Variants in ST6GALNAC3 observed in about 807,000 individuals in gnomAD.
ST6GALNAC3 encodes alpha-N-acetylgalactosaminide alpha-2,6-sialyltransferase 3.
ST6GALNAC3 carries 25 observed loss-of-function variants against 32.7 expected under a neutral mutation model. That is an observed-to-expected ratio of 0.76 (90% CI 0.56 to 1.07). The LOEUF is 1.07. Ranked by LOEUF, ST6GALNAC3 falls within the 50% of genes least tolerant of loss-of-function variation. The pLI, the probability that ST6GALNAC3 is intolerant of heterozygous loss-of-function variation, is 0.00. For missense variants in ST6GALNAC3, 355 were observed against 382.4 expected, an observed-to-expected ratio of 0.93 and a Z score of 0.60; for synonymous variants, 129 against 133.1, an observed-to-expected ratio of 0.97 and a Z score of 0.21.
chr1:76,433,493 CATAAT>C (rs1655917169), intron 3 of ST6GALNAC3, among the ~76,000 whole-genome samples: 1 of 152,012 alleles, frequency 6.6e-6, no homozygotes, highest in African/African-American at 2.4e-5. Context: ...CATATGTACA[CATAAT>C]AAGAAAGAAA....
chr1:76,367,822 T>C (rs1446135577), intron 2 of ST6GALNAC3, among the ~76,000 whole-genome samples: 1 of 152,150 alleles, frequency 6.6e-6, no homozygotes, highest in Non-Finnish European at 1.5e-5. Context: ...AGTGAGTTGG[T>C]GCCCCCCAGT....
intron 2 of ST6GALNAC3, among the ~76,000 whole-genome samples, chr1:76,407,929 C>T (rs998942995): frequency 6.6e-6 from 1 of 152,046 alleles, no homozygotes; most frequent in Non-Finnish European, 1.5e-5. Context: ...TAGCAGTACA[C>T]TTTAACAGAG....
chr1:76,099,793 A>C (rs1000830887), intron 1 of ST6GALNAC3, among the ~76,000 whole-genome samples: 1 of 152,184 alleles, frequency 6.6e-6, no homozygotes, highest in African/African-American at 2.4e-5. Flanking sequence ...AATAAATAAT[A>C]CTTTATTAAG....
chr1:76,596,444 G>GA (rs1647138280), intron 3 of ST6GALNAC3, among the ~76,000 whole-genome samples: 1 of 152,234 alleles, frequency 6.6e-6, no homozygotes, highest in Admixed American at 6.5e-5. Flanking sequence ...GCATAAATCA[G>GA]AAAAAAGATA....
At chr1:76,438,191 A>G (rs368294438) in intron 3 of ST6GALNAC3, among the ~76,000 whole-genome samples, 1 of 149,656 alleles carries the variant, frequency 6.7e-6, no homozygotes, top group Non-Finnish European at 1.5e-5. Flanking sequence ...TCGCTGTGTC[A>G]CCCAGGCTGG....
At chr1:76,407,579 A>G (rs1653921535) in intron 2 of ST6GALNAC3, among the ~76,000 whole-genome samples, 1 of 152,092 alleles carries the variant, frequency 6.6e-6, no homozygotes, top group Admixed American at 6.6e-5. Context: ...CAGTTTATAG[A>G]CACAGCTGAA....
In ST6GALNAC3 at chr1:76,632,809, A is replaced by G. The variant is rs1016095562; in HGVS notation, c.*4003A>G. The G allele has an allele frequency of 4.6e-5, 7 of 151,338 alleles. No homozygotes were observed. The highest frequency in any genetic ancestry group is 1.0e-4 in the Non-Finnish European group (7 of 67,690). The allele number at this position is 151,338 out of a possible 1,614,324, so 9.4% of individuals were successfully genotyped here. A position where few individuals can be genotyped will look rare whatever the true frequency, so the allele number is the denominator to read the frequency against. On this transcript the variant is annotated 3_prime_UTR_variant, in exon 5 of 5. Coordinates refer to ENST00000328299, the MANE Select transcript of ST6GALNAC3 (RefSeq NM_152996.4). ...CAGATGACTGATTTAAAAAAAAACA[A>G]CAACAATGTGCCCATCTAGCCTTTA...
chr1:76,157,547 C>T (rs922110064), intron 1 of ST6GALNAC3, among the ~76,000 whole-genome samples: 3 of 152,214 alleles, frequency 2.0e-5, no homozygotes, highest in African/African-American at 7.2e-5. Context: ...TTAAATAGCA[C>T]CTTTTTCTTC....
At chr1:76,206,718 C>T (rs548201933) in intron 1 of ST6GALNAC3, among the ~76,000 whole-genome samples, 164 of 151,450 alleles carry the variant, frequency 1.1e-3, no homozygotes, top group Admixed American at 1.9e-3. Context: ...GGCGATAGAG[C>T]GAGACTCTGT....
chr1:76,341,743 A>T (rs1433658638), intron 2 of ST6GALNAC3, among the ~76,000 whole-genome samples: 1 of 138,748 alleles, frequency 7.2e-6, no homozygotes, highest in Non-Finnish European at 1.5e-5. Context: ...AAGTTCTGGG[A>T]TACTTGTACA....
intron 1 of ST6GALNAC3, among the ~76,000 whole-genome samples, chr1:76,112,436 C>G (rs1459041835): frequency 1.4e-5 from 2 of 148,132 alleles, no homozygotes; most frequent in African/African-American, 5.0e-5. Context: ...CCCCGACCTC[C>G]CTTCCGGACG....
intron 3 of ST6GALNAC3, among the ~76,000 whole-genome samples, chr1:76,447,627 C>A (rs757671280): frequency 6.6e-6 from 1 of 152,064 alleles, no homozygotes; most frequent in African/African-American, 2.4e-5. Context: ...CAGGACACCG[C>A]CCCCTCCCCG....
chr1:76,376,114 T>TTTA (rs577234468), intron 2 of ST6GALNAC3, among the ~76,000 whole-genome samples: 1 of 150,256 alleles, frequency 6.7e-6, no homozygotes, highest in African/African-American at 2.4e-5. Context: ...TTTTTTTTTT[T>TTTA]AAAAAAAGAA....
At position 76,379,559 on chromosome 1, in the gene ST6GALNAC3, G is replaced by T. The variant is rs373064695; in HGVS notation, c.214-32449G>T. Among the ~76,000 whole-genome samples, 6 of 152,148 alleles carry T rather than the reference G, an allele frequency of 3.9e-5. No individual in the cohort carries two copies. The South Asian group carries it at 1.2e-3, about 31-fold the overall frequency. On this transcript the variant is annotated intron_variant, in intron 2 of 4. Coordinates refer to ENST00000328299, the MANE Select transcript of ST6GALNAC3 (RefSeq NM_152996.4). ...GTGGAGAAAGAGAGAATCTCATGACGGCTTTTGGTTTGGGGTTATTGAGAA... is the reference window on the plus strand; with the variant it reads ...GTGGAGAAAGAGAGAATCTCATGACTGCTTTTGGTTTGGGGTTATTGAGAA...
chr1:76,461,402 T>C (rs1011739951), intron 3 of ST6GALNAC3, among the ~76,000 whole-genome samples: 1 of 152,218 alleles, frequency 6.6e-6, no homozygotes, highest in African/African-American at 2.4e-5. Context: ...CCCTGTGCCC[T>C]TAAGCCTCAA....
chr1:76,560,155 C>T (rs1313892543), intron 3 of ST6GALNAC3, among the ~76,000 whole-genome samples: 1 of 152,034 alleles, frequency 6.6e-6, no homozygotes, highest in South Asian at 2.1e-4. Context: ...AAACTAGACC[C>T]CCTATCTCTC....
intron 3 of ST6GALNAC3, among the ~76,000 whole-genome samples, chr1:76,492,843 G>A (rs565853364): frequency 6.6e-6 from 1 of 152,202 alleles, no homozygotes; most frequent in South Asian, 2.1e-4. Flanking sequence ...GGTACTACTG[G>A]TAATGACACT....
At chr1:76,550,958 C>A (rs918687583) in intron 3 of ST6GALNAC3, among the ~76,000 whole-genome samples, 1 of 152,104 alleles carries the variant, frequency 6.6e-6, no homozygotes, top group Non-Finnish European at 1.5e-5. Context: ...CAGGGTTTCA[C>A]CACGTTTGCC....
chr1:76,330,199 C>A (rs942883081), intron 2 of ST6GALNAC3, among the ~76,000 whole-genome samples: 11 of 152,176 alleles, frequency 7.2e-5, no homozygotes, highest in Non-Finnish European at 1.6e-4. Flanking sequence ...GTCGCCCAGG[C>A]TGGAGTGCAG....
Sources: allele counts gnomAD v4.1 joint callset (sites outside exome capture counted in the v4.1 genomes callset), GRCh38; gene constraint gnomAD v4.1.1; transcripts MANE v1.5; gene names NCBI Gene and HGNC (gene_info 2026-07-23, HGNC 2026-07-21).